Variants in NELL1 observed in about 807,000 individuals in gnomAD.
NELL1 encodes protein kinase C-binding protein NELL1.
NELL1 carries 76 observed loss-of-function variants against 107.4 expected under a neutral mutation model. The ratio of observed to expected loss-of-function variants is 0.71; its 90% CI spans 0.59 to 0.86. The LOEUF (loss-of-function observed/expected upper bound fraction) is 0.86, where lower values mean the gene tolerates loss of function less well. Ranked by LOEUF, NELL1 falls within the 40% of genes least tolerant of loss-of-function variation. The pLI is 0.00. For missense variants in NELL1, 1,024 were observed against 1,005.5 expected (o/e 1.02, Z -0.25); for synonymous variants, 353 against 341.2 (o/e 1.03, Z -0.38).
rs369682144 is a variant in NELL1 at position 20,772,767 on chromosome 11, G to A, written c.185-10913G>A. On this transcript the variant is annotated intron_variant, in intron 2 of 19. Coordinates refer to ENST00000357134, the MANE Select transcript of NELL1 (RefSeq NM_006157.5). ...GGGATTCAAACACTGGTTTGTCTGA[G>A]CCAATAGATGGTGCTGAGGGACAGT... is the stretch of plus-strand genomic sequence containing the variant. Among the ~76,000 whole-genome samples, 26 of 152,286 alleles carry A rather than the reference G, an allele frequency of 1.7e-4. No individual in the cohort carries two copies. The South Asian group carries it at 5.2e-3, about 30-fold the overall frequency.
chr11:20,780,774 C>T (rs571792004), intron 2 of NELL1, among the ~76,000 whole-genome samples: 237 of 152,066 alleles, frequency 1.6e-3, no homozygotes, highest in African/African-American at 5.3e-3. Context: ...GAGTCAGGGA[C>T]GTGAAAAGGA....
In NELL1 at chr11:20,882,216, G is replaced by T. The variant is rs141256314; in HGVS notation, c.507-3228G>T. Among the ~76,000 whole-genome samples the T allele has an allele frequency of 4.2e-4, 64 of 152,274 alleles. No homozygotes were observed. In the East Asian group the frequency reaches 0.011, roughly 26 times the overall value. Reference sequence around the variant, plus strand: ...AGGAATGTGATAATTCAATTTCTTAGTTTGTGTTATCAGCATTAGTCTGTG... The same window carrying T: ...AGGAATGTGATAATTCAATTTCTTATTTTGTGTTATCAGCATTAGTCTGTG... On this transcript the variant is annotated intron_variant, in intron 4 of 19. Coordinates refer to ENST00000357134, the MANE Select transcript of NELL1 (RefSeq NM_006157.5).
At chr11:21,197,202 CT>C (rs143247393) in intron 13 of NELL1, among the ~76,000 whole-genome samples, 2,950 of 144,526 alleles carry the variant, frequency 0.02, 68 homozygotes, top group African/African-American at 0.056. Context: ...TTAAGCCAGT[CT>C]TTTTTTTTTT....
chr11:21,255,755 C>T (rs188840198), intron 14 of NELL1, among the ~76,000 whole-genome samples: 1 of 152,080 alleles, frequency 6.6e-6, no homozygotes, highest in African/African-American at 2.4e-5. Context: ...ATACCCAATT[C>T]ATTCAGGTCT....
intron 12 of NELL1, among the ~76,000 whole-genome samples, chr11:21,038,982 G>C (rs1291403083): frequency 2.0e-5 from 3 of 152,090 alleles, no homozygotes; most frequent in African/African-American, 7.2e-5. Flanking sequence ...CCTGTGGACT[G>C]TAGGAAAAAG....
At chr11:21,419,931 G>A (rs992173025) in intron 15 of NELL1, among the ~76,000 whole-genome samples, 2 of 151,790 alleles carry the variant, frequency 1.3e-5, no homozygotes, top group Admixed American at 6.6e-5. Context: ...TTAATTTCTG[G>A]TCACTTATTG....
chr11:21,123,978 A>G (rs1855430400), intron 13 of NELL1, among the ~76,000 whole-genome samples: 4 of 152,210 alleles, frequency 2.6e-5, no homozygotes, highest in African/African-American at 2.4e-5. Flanking sequence ...AAAAATATGT[A>G]TGAATACATA....
At chr11:21,252,379 A>AT (rs1200254116) in intron 14 of NELL1, among the ~76,000 whole-genome samples, 2 of 152,082 alleles carry the variant, frequency 1.3e-5, no homozygotes, top group African/African-American at 4.8e-5. Flanking sequence ...ATGGAATGGG[A>AT]TAAAAAATGG....
At chr11:21,162,643 AT>A (rs1352219011) in intron 13 of NELL1, among the ~76,000 whole-genome samples, 2 of 152,166 alleles carry the variant, frequency 1.3e-5, no homozygotes, top group Non-Finnish European at 2.9e-5. Flanking sequence ...TCTAAATGAA[AT>A]TGGTAGAGTG....
chr11:20,773,533 T>A (rs1356513245), intron 2 of NELL1: 2 of 151,870 alleles, frequency 1.3e-5, no homozygotes, highest in African/African-American at 4.8e-5. Context: ...TCTGGCTCTC[T>A]GTCACCCAGG....
At chr11:21,053,743 G>A (rs955839864) in intron 12 of NELL1, among the ~76,000 whole-genome samples, 4 of 152,098 alleles carry the variant, frequency 2.6e-5, no homozygotes, top group East Asian at 1.9e-4. Flanking sequence ...AAATTGTCAG[G>A]CCTGGGAAGG....
intron 15 of NELL1, among the ~76,000 whole-genome samples, chr11:21,522,783 C>CT (rs1855758672): frequency 6.8e-6 from 1 of 147,522 alleles, no homozygotes; most frequent in Admixed American, 6.7e-5. Flanking sequence ...TATGAAATAC[C>CT]TTTTTTATCT....
chr11:21,171,908 G>C (rs1348227557), intron 13 of NELL1, among the ~76,000 whole-genome samples: 2 of 151,730 alleles, frequency 1.3e-5, no homozygotes, highest in African/African-American at 4.9e-5. Context: ...TTCTTAGTAA[G>C]ATGTTTTTAT....
intron 15 of NELL1, among the ~76,000 whole-genome samples, chr11:21,524,620 G>T (rs1038479652): frequency 2.0e-5 from 3 of 151,996 alleles, no homozygotes; most frequent in Non-Finnish European, 4.4e-5. Context: ...GAGTGCAAAG[G>T]TTTTATGATG....
At chr11:20,841,304 A>G (rs182521365) in intron 3 of NELL1, among the ~76,000 whole-genome samples, 1 of 148,720 alleles carries the variant, frequency 6.7e-6, no homozygotes, top group Non-Finnish European at 1.5e-5. Context: ...CATAATACAC[A>G]GCACCTCTGC....
chr11:20,831,285 A>T (rs1054394535), intron 3 of NELL1, among the ~76,000 whole-genome samples: 2 of 152,192 alleles, frequency 1.3e-5, no homozygotes, highest in Non-Finnish European at 2.9e-5. Context: ...GGCTTACTAG[A>T]AATGCCATAT....
intron 14 of NELL1, among the ~76,000 whole-genome samples, chr11:21,303,078 C>CTATATCTATATCTATATA: frequency 1.3e-5 from 1 of 76,364 alleles, no homozygotes; most frequent in Middle Eastern, 8.1e-3. Context: ...TGCTCTATAT[C>CTATATCTATATCTATATA]TATATCTATA....
chr11:21,166,983 A>G (rs1313555119), intron 13 of NELL1, among the ~76,000 whole-genome samples: 2 of 151,904 alleles, frequency 1.3e-5, no homozygotes, highest in Non-Finnish European at 2.9e-5. Flanking sequence ...CCTACACTGT[A>G]TATTTATTAG....
chr11:21,526,490 C>T (rs973477609), intron 15 of NELL1, among the ~76,000 whole-genome samples: 1 of 152,206 alleles, frequency 6.6e-6, no homozygotes, highest in Non-Finnish European at 1.5e-5. Context: ...TAGGCAGTAC[C>T]TCAGTGGGGA....
Sources: allele counts gnomAD v4.1 joint callset (sites outside exome capture counted in the v4.1 genomes callset), GRCh38; gene constraint gnomAD v4.1.1; transcripts MANE v1.5; gene names NCBI Gene and HGNC (gene_info 2026-07-23, HGNC 2026-07-21).